Variants in CTNNA2 observed in about 807,000 individuals in gnomAD.
The protein encoded by CTNNA2 is catenin alpha 2.
A neutral mutation model predicts 101.0 loss-of-function variants in CTNNA2; 42 were observed. The ratio of observed to expected loss-of-function variants is 0.42; its 90% CI spans 0.32 to 0.54. The LOEUF (loss-of-function observed/expected upper bound fraction) is 0.54. Ranked by LOEUF, CTNNA2 falls within the 20% of genes least tolerant of loss-of-function variation. The pLI is 0.14. For missense variants in CTNNA2, 871 were observed against 1,223.1 expected (o/e 0.71, Z 4.29); for synonymous variants, 450 against 456.4 (o/e 0.99, Z 0.18).
intron 3 of CTNNA2, among the ~76,000 whole-genome samples, chr2:79,799,830 A>G (rs1177592146): frequency 6.6e-6 from 1 of 152,186 alleles, no homozygotes; most frequent in African/African-American, 2.4e-5. Context: ...ATTTTATTTT[A>G]TATGTCATAA....
At chr2:79,920,250 A>G (rs1458846671) in intron 7 of CTNNA2, among the ~76,000 whole-genome samples, 3 of 152,168 alleles carry the variant, frequency 2.0e-5, no homozygotes, top group Non-Finnish European at 4.4e-5. Flanking sequence ...GTGTTCTTTC[A>G]TAAACTTTGC....
chr2:80,041,724 C>T (rs140482142), intron 7 of CTNNA2, among the ~76,000 whole-genome samples: 5 of 152,188 alleles, frequency 3.3e-5, no homozygotes, highest in East Asian at 3.9e-4. Flanking sequence ...GAGGGTAAAA[C>T]GCTATACTCA....
At chr2:79,646,850 C>G (rs544750856) in intron 1 of CTNNA2, among the ~76,000 whole-genome samples, 1 of 152,240 alleles carries the variant, frequency 6.6e-6, no homozygotes. Flanking sequence ...CGAAGAAACT[C>G]TCCTCAGAAA....
intron 2 of CTNNA2, among the ~76,000 whole-genome samples, chr2:79,704,606 G>A (rs901000806): frequency 1.4e-5 from 2 of 147,210 alleles, no homozygotes; most frequent in East Asian, 2.1e-4. Context: ...TCCGCCTCCC[G>A]GGTTCACGCC....
intron 7 of CTNNA2, among the ~76,000 whole-genome samples, chr2:80,319,192 C>T (rs968583220): frequency 6.6e-6 from 1 of 152,080 alleles, no homozygotes; most frequent in African/African-American, 2.4e-5. Context: ...TTTAGAAAAA[C>T]ATAATTTTCT....
At chr2:79,634,742 A>G (rs1356965844) in intron 1 of CTNNA2, 1 of 152,392 alleles carries the variant, frequency 6.6e-6, no homozygotes, top group Admixed American at 6.5e-5. Context: ...GGCCTATGGA[A>G]GGAATGACAC....
At position 80,411,107 on chromosome 2, in the gene CTNNA2, G is replaced by A. The variant is rs530376746; in HGVS notation, c.1138-8342G>A. Among the ~76,000 whole-genome samples the A allele has an allele frequency of 1.8e-4, 27 of 152,268 alleles. 1 individual carries two copies. The highest frequency in any genetic ancestry group is 5.5e-4 in the African/African-American group (23 of 41,552). ...CAGTCTTTCTGGGAGAAGTCTCTTG[G>A]CCCTTGGCTTGAACCCAGTTAGAAC... On this transcript the variant is annotated intron_variant, in intron 8 of 18. Transcript: ENST00000402739.
intron 3 of CTNNA2, among the ~76,000 whole-genome samples, chr2:79,367,179 C>T (rs1677769749): frequency 6.6e-6 from 1 of 152,156 alleles, no homozygotes; most frequent in African/African-American, 2.4e-5. Flanking sequence ...TGTGGGGATA[C>T]AGCAAGAAGG....
intron 8 of CTNNA2, among the ~76,000 whole-genome samples, chr2:80,416,341 A>G (rs1680046191): frequency 6.6e-6 from 1 of 152,206 alleles, no homozygotes; most frequent in Non-Finnish European, 1.5e-5. Flanking sequence ...CACTTTAAAT[A>G]TATACAATTT....
chr2:80,094,303 A>G (rs1358435304), intron 7 of CTNNA2, among the ~76,000 whole-genome samples: 1 of 152,068 alleles, frequency 6.6e-6, no homozygotes, highest in Non-Finnish European at 1.5e-5. Context: ...TTTGTCAAAG[A>G]TCAGATAGTT....
At chr2:79,532,294 C>T (rs975180798) in intron 1 of CTNNA2, among the ~76,000 whole-genome samples, 10 of 152,040 alleles carry the variant, frequency 6.6e-5, no homozygotes, top group Non-Finnish European at 1.5e-4. Context: ...AGGGGAGTGA[C>T]TTCATGGGAT....
intron 7 of CTNNA2, among the ~76,000 whole-genome samples, chr2:80,226,339 C>T (rs1487590502): frequency 6.6e-6 from 1 of 152,200 alleles, no homozygotes; most frequent in South Asian, 2.1e-4. Context: ...GACTGGAGGC[C>T]TTTTCCCTAT....
At chr2:80,410,734 C>A (rs1679493790) in intron 8 of CTNNA2, among the ~76,000 whole-genome samples, 1 of 152,286 alleles carries the variant, frequency 6.6e-6, no homozygotes, top group Non-Finnish European at 1.5e-5. Context: ...ATCAGAGACA[C>A]AAATCACAGG....
intron 7 of CTNNA2, among the ~76,000 whole-genome samples, chr2:80,063,539 C>A (rs77420498): frequency 0.021 from 3,266 of 152,348 alleles, 47 homozygotes; most frequent in Non-Finnish European, 0.029. Context: ...CCTGTTTAAG[C>A]ACCCTTCACG....
chr2:79,280,659 G>A (rs1423473417), intron 2 of CTNNA2, among the ~76,000 whole-genome samples: 1 of 76,326 alleles, frequency 1.3e-5, no homozygotes, highest in African/African-American at 7.1e-5. Context: ...GTGTGTGTAA[G>A]AGAAAGAGAG....
intron 7 of CTNNA2, among the ~76,000 whole-genome samples, chr2:80,112,068 A>T (rs1338377683): frequency 6.6e-6 from 1 of 152,140 alleles, no homozygotes; most frequent in African/African-American, 2.4e-5. Context: ...AAATTTAGTA[A>T]ACTGTTTATA....
chr2:79,811,908 T>G (rs1677068585), intron 3 of CTNNA2, among the ~76,000 whole-genome samples: 1 of 152,164 alleles, frequency 6.6e-6, no homozygotes, highest in South Asian at 2.1e-4. Flanking sequence ...TCTCATCAGC[T>G]TTGAAGTTTT....
intron 7 of CTNNA2, among the ~76,000 whole-genome samples, chr2:80,078,463 A>G (rs138947085): frequency 8.4e-4 from 128 of 152,328 alleles, no homozygotes; most frequent in African/African-American, 2.8e-3. Context: ...AGCGAGGAGC[A>G]GAAAAGTGGA....
At chr2:79,936,207 T>A (rs1687777368) in intron 7 of CTNNA2, among the ~76,000 whole-genome samples, 1 of 150,688 alleles carries the variant, frequency 6.6e-6, no homozygotes, top group African/African-American at 2.4e-5. Flanking sequence ...TTCCTCAGTA[T>A]TTCTGAGTTT....
Sources: gnomAD v4.1 joint callset for allele counts (sites outside exome capture counted in the v4.1 genomes callset) on GRCh38, gnomAD v4.1.1 for gene constraint, MANE v1.5 for transcripts, NCBI Gene and HGNC (gene_info 2026-07-23, HGNC 2026-07-21) for gene names.